The following RIMS1 variants were observed in gnomAD, a reference collection of about 807,000 sequenced individuals.
RIMS1 encodes the protein regulating synaptic membrane exocytosis 1.
Under a neutral mutation model 214.1 loss-of-function variants are expected in RIMS1, and 83 were observed. The ratio of observed to expected loss-of-function variants is 0.39; its 90% confidence interval spans 0.32 to 0.47. The LOEUF is 0.47. RIMS1 is among the 20% of genes least tolerant of loss of function. RIMS1 has a pLI of 0.99. For synonymous variants in RIMS1, 793 were observed against 786.8 expected (o/e 1.01, Z -0.13); for missense variants, 2,050 against 2,161.8 (o/e 0.95, Z 1.03).
chr6:72,236,846 A>G (rs755877559), intron 8 of RIMS1, among the ~76,000 whole-genome samples: 11 of 151,910 alleles, frequency 7.2e-5, no homozygotes, highest in Non-Finnish European at 1.2e-4. Flanking sequence ...GGCCACATTC[A>G]AAGTCATCCT....
At chr6:72,345,376 G>A (rs1212668652) in intron 29 of RIMS1, among the ~76,000 whole-genome samples, 1 of 151,600 alleles carries the variant, frequency 6.6e-6, no homozygotes, top group East Asian at 1.9e-4. Context: ...TAATAGTTGT[G>A]ATTTAGTGAG....
At chr6:72,185,718 A>G (rs2049002106) in intron 6 of RIMS1, among the ~76,000 whole-genome samples, 2 of 152,256 alleles carry the variant, frequency 1.3e-5, no homozygotes, top group Non-Finnish European at 2.9e-5. Context: ...TTGGTACCAT[A>G]CAGAAACCAA....
chr6:72,257,955 C>G (rs1036631862), intron 16 of RIMS1, among the ~76,000 whole-genome samples, 170 bp from the exon 17 acceptor site: 1 of 152,134 alleles, frequency 6.6e-6, no homozygotes, highest in African/African-American at 2.4e-5. Context: ...ATATGTTACA[C>G]TCTGTGTAGG....
intron 1 of RIMS1, among the ~76,000 whole-genome samples, chr6:71,931,059 C>A (rs1782882685): frequency 6.6e-6 from 1 of 151,940 alleles, no homozygotes; most frequent in Non-Finnish European, 1.5e-5. Context: ...TTCATGTATT[C>A]CTGTATAACT....
At chr6:71,919,206 G>A (rs1295995157) in intron 1 of RIMS1, among the ~76,000 whole-genome samples, 1 of 152,122 alleles carries the variant, frequency 6.6e-6, no homozygotes, top group Non-Finnish European at 1.5e-5. Flanking sequence ...TATGGTTGGT[G>A]CTACTAGTGA....
intron 2 of RIMS1, among the ~76,000 whole-genome samples, chr6:72,052,459 G>A (rs1464401514): frequency 6.6e-6 from 1 of 152,178 alleles, no homozygotes; most frequent in East Asian, 1.9e-4. Flanking sequence ...CTCTGCAGGT[G>A]TACTTCCTTG....
chr6:71,968,666 C>T (rs936425911), intron 1 of RIMS1, among the ~76,000 whole-genome samples: 3 of 152,192 alleles, frequency 2.0e-5, no homozygotes, highest in Non-Finnish European at 4.4e-5. Context: ...AGCTTTCAGA[C>T]ATCTTCATAT....
chr6:72,217,386 T>C (rs982958135), intron 6 of RIMS1: 1 of 653,658 alleles, frequency 1.5e-6, no homozygotes, highest in Non-Finnish European at 2.4e-6. Context: ...TATAAATATG[T>C]AATTTTAGGA....
intron 6 of RIMS1, among the ~76,000 whole-genome samples, chr6:72,197,595 A>G (rs2051198254): frequency 6.6e-6 from 1 of 152,130 alleles, no homozygotes; most frequent in Non-Finnish European, 1.5e-5. Context: ...AATTTATAGC[A>G]TTGAAGTGCT....
At chr6:72,111,142 A>G (rs1226744756) in intron 4 of RIMS1, among the ~76,000 whole-genome samples, 1 of 152,196 alleles carries the variant, frequency 6.6e-6, no homozygotes, top group African/African-American at 2.4e-5. Flanking sequence ...GCATTGTCTT[A>G]TTAAAGTTGC....
At chr6:72,293,171 G>A (rs911687990) in intron 26 of RIMS1, among the ~76,000 whole-genome samples, 2 of 151,944 alleles carry the variant, frequency 1.3e-5, no homozygotes, top group African/African-American at 4.8e-5. Flanking sequence ...TAACACTGGT[G>A]TGATAAACTC....
At chr6:71,986,290 T>G (rs573799236) in intron 2 of RIMS1, among the ~76,000 whole-genome samples, 76 of 151,656 alleles carry the variant, frequency 5.0e-4, no homozygotes, top group African/African-American at 1.7e-3. Context: ...TGGCTCATAA[T>G]AGGAAGCTTG....
intron 6 of RIMS1, among the ~76,000 whole-genome samples, chr6:72,183,809 A>G (rs1200169648): frequency 6.6e-6 from 1 of 152,190 alleles, no homozygotes; most frequent in Non-Finnish European, 1.5e-5. Context: ...ATGAATGCAT[A>G]CTATATATAT....
At chr6:72,180,314 G>C (rs1471680124) in intron 5 of RIMS1, among the ~76,000 whole-genome samples, 1 of 152,204 alleles carries the variant, frequency 6.6e-6, no homozygotes, top group Non-Finnish European at 1.5e-5. Context: ...CCTTCTTTAA[G>C]GGTATTTCTT....
At chr6:71,906,688 C>T (rs1033988121) in intron 1 of RIMS1, among the ~76,000 whole-genome samples, 6 of 151,976 alleles carry the variant, frequency 3.9e-5, no homozygotes, top group Admixed American at 1.3e-4. Flanking sequence ...GGCCTGGGTT[C>T]GAATCCTGAG....
rs2073191481 is a variant in RIMS1 at position 72,251,303 on chromosome 6, C to T, written c.2633C>T (p.Pro878Leu). ...QTHDESSLPL[P>L]QPSPFMPRRH... ...CATGATGAGTCTTCACTACCTCTGC[C>T]TCAGCCATCACCTTTCATGCCAAGG... Residue 878 changes from proline (P) to leucine (L), a missense_variant, in exon 15 of 34, where the codon CCT (proline) becomes CTT (leucine). Coordinates refer to ENST00000521978, the MANE Select transcript of RIMS1 (RefSeq NM_014989.7). 1.9e-6 allele frequency: 3 copies of T among 1,600,750 alleles called. No homozygotes were observed. Among genetic ancestry groups the T allele is most frequent in the Non-Finnish European group, 2.6e-6 (3 of 1,173,148 alleles).
At chr6:71,890,659 G>A (rs73545345) in intron 1 of RIMS1, among the ~76,000 whole-genome samples, 1,772 of 149,722 alleles carry the variant, frequency 0.012, 35 homozygotes, top group African/African-American at 0.041. Flanking sequence ...GAGTTAAGGC[G>A]ATGGTTTGAG....
chr6:72,273,859 T>G (rs2084740724), intron 22 of RIMS1, among the ~76,000 whole-genome samples: 1 of 152,204 alleles, frequency 6.6e-6, no homozygotes, highest in African/African-American at 2.4e-5. Context: ...TTTCTTCTAC[T>G]TAACTGTGCT....
intron 2 of RIMS1, among the ~76,000 whole-genome samples, chr6:72,008,861 A>T (rs1356440925): frequency 6.6e-6 from 1 of 152,186 alleles, no homozygotes; most frequent in Non-Finnish European, 1.5e-5. Flanking sequence ...TTAGACTCCC[A>T]CACAATAATA....
Sources: gnomAD v4.1 joint callset for allele counts (sites outside exome capture counted in the v4.1 genomes callset) on GRCh38, gnomAD v4.1.1 for gene constraint, MANE v1.5 for transcripts, NCBI Gene and HGNC (gene_info 2026-07-23, HGNC 2026-07-21) for gene names.